PAX5: variants seen among roughly 807,000 people sequenced by gnomAD.
The protein encoded by PAX5 is paired box protein Pax-5.
PAX5 carries 9 observed loss-of-function variants against 43.7 expected under a neutral mutation model. The observed-to-expected ratio is 0.21, with a 90% confidence interval of 0.12 to 0.36. The LOEUF (loss-of-function observed/expected upper bound fraction) is 0.36. Ranked by LOEUF, PAX5 falls within the 10% of genes least tolerant of loss-of-function variation. The pLI is 1.00. For synonymous variants in PAX5, 228 were observed against 214.3 expected (o/e 1.06, Z -0.56); for missense variants, 383 against 532.7 (o/e 0.72, Z 2.77).
At chr9:36,955,795 A>T (rs1412113258) in intron 6 of PAX5, among the ~76,000 whole-genome samples, 8 of 146,298 alleles carry the variant, frequency 5.5e-5, no homozygotes, top group Admixed American at 1.3e-4. Flanking sequence ...ATATATATAT[A>T]TATATATACC....
At chr9:36,863,916 C>A (rs569231490) in intron 8 of PAX5, among the ~76,000 whole-genome samples, 1 of 152,200 alleles carries the variant, frequency 6.6e-6, no homozygotes, top group Non-Finnish European at 1.5e-5. Flanking sequence ...CAAGACCAGC[C>A]TGGCCAACAT....
At chr9:36,950,735 CTTTTTTTTTT>C (rs55801947) in intron 6 of PAX5, among the ~76,000 whole-genome samples, 1 of 116,638 alleles carries the variant, frequency 8.6e-6, no homozygotes, top group African/African-American at 2.9e-5. Context: ...ACTGAGTTTT[CTTTTTTTTTT>C]TTTTTTTTTT....
intron 7 of PAX5, among the ~76,000 whole-genome samples, chr9:36,913,980 C>T (rs1162130130): frequency 1.3e-5 from 2 of 152,210 alleles, no homozygotes; most frequent in African/African-American, 4.8e-5. Flanking sequence ...GCCCCCCACC[C>T]CCCAACAGCT....
At chr9:36,908,066 G>T (rs999241953) in intron 7 of PAX5, among the ~76,000 whole-genome samples, 7 of 152,050 alleles carry the variant, frequency 4.6e-5, no homozygotes, top group African/African-American at 1.7e-4. Flanking sequence ...CAGCATAGTG[G>T]CGTGCACCTG....
At chr9:36,927,930 G>A (rs1341247890) in intron 6 of PAX5, among the ~76,000 whole-genome samples, 2 of 152,122 alleles carry the variant, frequency 1.3e-5, no homozygotes, top group African/African-American at 4.8e-5. Context: ...GGCTGGTCTT[G>A]AACTTCTGGC....
chr9:36,923,204 C>T, intron 7 of PAX5, 151 bp downstream of exon 7: 1 of 871,688 alleles, frequency 1.1e-6, no homozygotes, highest in Non-Finnish European at 1.7e-6. Flanking sequence ...AACCCTGGCC[C>T]CAGCACCTGA....
chr9:36,904,146 G>GAAC (rs1828623057), intron 7 of PAX5, among the ~76,000 whole-genome samples: 2 of 152,340 alleles, frequency 1.3e-5, no homozygotes, highest in South Asian at 2.1e-4. Context: ...CAAGGGCTTA[G>GAAC]AACAATGCAT....
chr9:36,859,255 C>A (rs887928804), intron 8 of PAX5, among the ~76,000 whole-genome samples: 2 of 152,134 alleles, frequency 1.3e-5, no homozygotes, highest in African/African-American at 2.4e-5. Flanking sequence ...GAGGGGCAGG[C>A]GCGCACATAA....
At chr9:36,897,158 A>G (rs1827939223) in intron 7 of PAX5, among the ~76,000 whole-genome samples, 1 of 152,178 alleles carries the variant, frequency 6.6e-6, no homozygotes, top group African/African-American at 2.4e-5. Flanking sequence ...CCTGGGACTC[A>G]GTCTGAGCTT....
chr9:36,913,315 T>C (rs1441993919), intron 7 of PAX5, among the ~76,000 whole-genome samples: 5 of 152,234 alleles, frequency 3.3e-5, no homozygotes, highest in Non-Finnish European at 5.9e-5. Context: ...CCTCCTCACA[T>C]GCCAACTTAC....
chr9:37,023,695 C>G (rs1480242542), intron 1 of PAX5, among the ~76,000 whole-genome samples: 5 of 152,160 alleles, frequency 3.3e-5, no homozygotes, highest in Non-Finnish European at 1.5e-5. Context: ...AAGACCATGG[C>G]TGAGCATAGG....
chr9:36,964,401 C>G (rs1366836251), intron 6 of PAX5, among the ~76,000 whole-genome samples: 1 of 151,806 alleles, frequency 6.6e-6, no homozygotes, highest in Non-Finnish European at 1.5e-5. Context: ...CTAAGCCTGG[C>G]CAACATGGTG....
chr9:37,008,965 G>T (rs1014528103), intron 3 of PAX5, among the ~76,000 whole-genome samples: 1 of 152,124 alleles, frequency 6.6e-6, no homozygotes, highest in African/African-American at 2.4e-5. Flanking sequence ...CTGTGTGTAT[G>T]TGTCTACAGA....
chr9:37,016,225 C>T (rs1447040545), intron 2 of PAX5, among the ~76,000 whole-genome samples: 1 of 152,184 alleles, frequency 6.6e-6, no homozygotes, highest in Non-Finnish European at 1.5e-5. Context: ...GCCAGCTCTC[C>T]CAAGCCCTAG....
chr9:36,846,718 T>C lies in PAX5; in HGVS notation c.1099+125A>G, dbSNP rs928860019. 5 of 635,376 alleles carry C rather than the reference T, an allele frequency of 7.9e-6. No homozygotes were observed. In the Admixed American group the frequency reaches 1.1e-4, roughly 14 times the overall value. 39.4% of individuals were successfully genotyped at this position (635,376 alleles called of 1,614,324 possible). Reference sequence around the variant, plus strand: ...TGAAAACACCTGTGCTCCATGTGTCTGGGCAAGCTACCCACCCACCTCAGT... The same window carrying C: ...TGAAAACACCTGTGCTCCATGTGTCCGGGCAAGCTACCCACCCACCTCAGT... On this transcript the variant is annotated intron_variant, in intron 9 of 9. Transcript: ENST00000358127.
intron 1 of PAX5, among the ~76,000 whole-genome samples, chr9:37,033,772 A>C (rs900142055): frequency 2.0e-5 from 3 of 152,364 alleles, no homozygotes; most frequent in Admixed American, 6.5e-5. Context: ...GAACATTCAG[A>C]AACAGAGAAA....
intron 6 of PAX5, among the ~76,000 whole-genome samples, chr9:36,958,598 C>G (rs1833695827): frequency 6.6e-6 from 1 of 152,100 alleles, no homozygotes; most frequent in African/African-American, 2.4e-5. Flanking sequence ...TTCAGGGGTA[C>G]AGCAACGTCG....
chr9:37,026,424 G>A, intron 1 of PAX5: 1 of 966,912 alleles, frequency 1.0e-6, no homozygotes, highest in Admixed American at 2.6e-5. Flanking sequence ...TTAGCTGCGC[G>A]GCTGCAGAGG....
intron 5 of PAX5, 97 bp downstream of exon 5, chr9:37,002,551 G>A (rs1837981995): frequency 8.4e-6 from 11 of 1,316,122 alleles, no homozygotes; most frequent in Non-Finnish European, 1.2e-5. Context: ...CAGGTAAGGG[G>A]GGTGTTCGCG....
Sources: allele counts gnomAD v4.1 joint callset (sites outside exome capture counted in the v4.1 genomes callset), GRCh38; gene constraint gnomAD v4.1.1; transcripts MANE v1.5; gene names NCBI Gene and HGNC (gene_info 2026-07-23, HGNC 2026-07-21).